TNKS: variants seen among roughly 807,000 people sequenced by gnomAD.
TNKS encodes tankyrase.
Under a neutral mutation model 135.8 loss-of-function variants are expected in TNKS, and 72 were observed. That is an observed-to-expected ratio of 0.53 (90% CI 0.44 to 0.64). TNKS has a LOEUF of 0.64. Ranked by LOEUF, TNKS falls within the 30% of genes least tolerant of loss-of-function variation. The probability of loss-of-function intolerance (pLI) is 0.00; values close to 1 mark genes in which losing one functional copy is unlikely to be tolerated. For synonymous variants in TNKS, 849 were observed against 649.3 expected (o/e 1.31, Z -4.68); for missense variants, 1,769 against 1,674.0 (o/e 1.06, Z -0.99).
At chr8:9,689,839 TG>T (rs1803177407) in intron 5 of TNKS, among the ~76,000 whole-genome samples, 1 of 152,224 alleles carries the variant, frequency 6.6e-6, no homozygotes, top group Non-Finnish European at 1.5e-5. Context: ...TGATCTAAGG[TG>T]GACCGATTCC....
At chr8:9,763,483 T>G (rs1807257309) in intron 22 of TNKS, among the ~76,000 whole-genome samples, 1 of 152,192 alleles carries the variant, frequency 6.6e-6, no homozygotes. Context: ...CTGGAGATTT[T>G]CTTGAATCTC....
chr8:9,745,634 A>C (rs1806195130), intron 17 of TNKS, among the ~76,000 whole-genome samples: 1 of 152,066 alleles, frequency 6.6e-6, no homozygotes, highest in Non-Finnish European at 1.5e-5. Context: ...CAAACTCCTG[A>C]CCTCAAATGA....
intron 26 of TNKS, among the ~76,000 whole-genome samples, chr8:9,770,907 G>GGAT (rs1563224639): frequency 6.6e-6 from 1 of 152,000 alleles, no homozygotes; most frequent in African/African-American, 2.4e-5. Flanking sequence ...GCACATGAGC[G>GGAT]GATGTGTTGA....
chr8:9,595,550 A>T (rs1321071723), intron 2 of TNKS, among the ~76,000 whole-genome samples: 1 of 149,952 alleles, frequency 6.7e-6, no homozygotes, highest in African/African-American at 2.5e-5. Flanking sequence ...AGATATACAC[A>T]TAACATATAT....
chr8:9,667,876 G>A (rs1323889491), intron 3 of TNKS, among the ~76,000 whole-genome samples: 2 of 134,154 alleles, frequency 1.5e-5, no homozygotes, highest in Non-Finnish European at 3.1e-5. Flanking sequence ...TCATTTACTA[G>A]TTCTCTTTGA....
chr8:9,727,132 G>T (rs916086449), intron 13 of TNKS, among the ~76,000 whole-genome samples: 1 of 152,094 alleles, frequency 6.6e-6, no homozygotes, highest in South Asian at 2.1e-4. Flanking sequence ...AATATTTCTT[G>T]ATCTTTTCTC....
intron 14 of TNKS, among the ~76,000 whole-genome samples, chr8:9,732,075 A>C (rs1230307015): frequency 1.3e-5 from 2 of 152,242 alleles, no homozygotes; most frequent in Admixed American, 1.3e-4. Flanking sequence ...GGCGTGAGCC[A>C]CTGCACCCAG....
chr8:9,576,274 A>G (rs1184753669), intron 1 of TNKS, among the ~76,000 whole-genome samples: 2 of 152,128 alleles, frequency 1.3e-5, no homozygotes, highest in East Asian at 1.9e-4. Flanking sequence ...TCACACTGCT[A>G]TAAAGAACTA....
chr8:9,668,650 T>G (rs1255773604), intron 3 of TNKS, among the ~76,000 whole-genome samples: 2 of 152,214 alleles, frequency 1.3e-5, no homozygotes, highest in East Asian at 3.9e-4. Flanking sequence ...AGTGATTTCA[T>G]GAAGGAAGTT....
Position 9,781,811 on chromosome 8 carries a change from T to C in TNKS, c.*5075T>C, listed in dbSNP as rs1808469800. ...TGACTCTTTGGTTCATTATTCGTGT[T>C]GTTTTTATTTTTAGTCTCTGTGTGA... On this transcript the variant is annotated 3_prime_UTR_variant, in exon 27 of 27. Coordinates refer to ENST00000310430, the MANE Select transcript of TNKS (RefSeq NM_003747.3). The C allele has an allele frequency of 6.6e-6, 1 of 152,636 alleles. No individual in the cohort carries two copies. The highest frequency in any genetic ancestry group is 1.5e-5 in the Non-Finnish European group (1 of 68,044). 9.5% of individuals were successfully genotyped at this position (152,636 alleles called of 1,614,324 possible). A position where few individuals can be genotyped will look rare whatever the true frequency, so the allele number is the denominator to read the frequency against.
intron 17 of TNKS, chr8:9,741,592 T>G (rs1010653970): frequency 5.8e-5 from 22 of 378,874 alleles, no homozygotes; most frequent in Non-Finnish European, 1.3e-4. Context: ...TGCACAGTCT[T>G]TATAGCTGTC....
chr8:9,589,248 G>A (rs1585202879), intron 2 of TNKS, among the ~76,000 whole-genome samples: 1 of 152,320 alleles, frequency 6.6e-6, no homozygotes, highest in East Asian at 1.9e-4. Flanking sequence ...TCTGGGCCAA[G>A]GGTAGCAGCA....
intron 11 of TNKS, among the ~76,000 whole-genome samples, chr8:9,717,940 C>T (rs572837071): frequency 6.6e-6 from 1 of 151,968 alleles, no homozygotes; most frequent in Non-Finnish European, 1.5e-5. Context: ...TAGATATATA[C>T]AGGCAAAATA....
At chr8:9,681,636 C>T (rs146983587) in intron 5 of TNKS, among the ~76,000 whole-genome samples, 13 of 151,990 alleles carry the variant, frequency 8.6e-5, no homozygotes, top group Middle Eastern at 6.8e-3. Context: ...AATTGTATGT[C>T]TGATATTTAG....
At chr8:9,751,497 T>C in intron 18 of TNKS, 112 bp from the exon 19 acceptor site, 2 of 877,284 alleles carry the variant, frequency 2.3e-6, no homozygotes, top group Admixed American at 2.4e-5. Flanking sequence ...CAGTAGGTGA[T>C]AATGAGGCAT....
chr8:9,633,604 T>C (rs1399333661), intron 3 of TNKS, among the ~76,000 whole-genome samples: 3 of 152,194 alleles, frequency 2.0e-5, no homozygotes, highest in African/African-American at 7.2e-5. Flanking sequence ...GTGTGACCAC[T>C]AGCATATGGC....
At chr8:9,614,005 A>T (rs1225425173) in intron 2 of TNKS, among the ~76,000 whole-genome samples, 1 of 152,138 alleles carries the variant, frequency 6.6e-6, no homozygotes, top group Non-Finnish European at 1.5e-5. Context: ...GGTAGCTATT[A>T]TTTCTTCTGT....
intron 25 of TNKS, among the ~76,000 whole-genome samples, chr8:9,769,265 T>C (rs559603618): frequency 1.4e-4 from 21 of 152,218 alleles, no homozygotes; most frequent in Non-Finnish European, 2.9e-4. Flanking sequence ...CCATGGGCTA[T>C]AGCTTGCTAA....
chr8:9,669,032 A>T (rs1802137963), intron 3 of TNKS, among the ~76,000 whole-genome samples: 1 of 152,316 alleles, frequency 6.6e-6, no homozygotes, highest in East Asian at 1.9e-4. Context: ...AGGGCTAGAG[A>T]CAAGGGATTA....
Sources: gnomAD v4.1 joint callset for allele counts (sites outside exome capture counted in the v4.1 genomes callset) on GRCh38, gnomAD v4.1.1 for gene constraint, MANE v1.5 for transcripts, NCBI Gene and HGNC (gene_info 2026-07-23, HGNC 2026-07-21) for gene names.